The following ZNF718 variants were observed in gnomAD, a reference collection of about 807,000 sequenced individuals.
The protein encoded by ZNF718 is zinc finger protein 718.
A neutral mutation model predicts 2.6 loss-of-function variants in ZNF718; 3 were observed. The ratio of observed to expected loss-of-function variants is 1.16; its 90% CI spans 0.53 to 3.01. ZNF718 has a LOEUF of 3.01. Ranked by LOEUF, ZNF718 falls within the 30% of genes most tolerant of loss-of-function variation. The pLI is 0.03. For synonymous variants in ZNF718, 135 were observed against 77.9 expected (o/e 1.73, Z -3.86); for missense variants, 468 against 230.0 (o/e 2.03, Z -6.69).
chr4:153,867 GGACAA>G (rs1716448336), intron 3 of ZNF718, among the ~76,000 whole-genome samples: 2 of 152,040 alleles, frequency 1.3e-5, no homozygotes, highest in Admixed American at 6.5e-5. Context: ...TTGAAATTTG[GGACAA>G]GACAAGGATG....
chr4:174,838 A>T (rs1278679341), intron 3 of ZNF718, among the ~76,000 whole-genome samples: 5 of 152,160 alleles, frequency 3.3e-5, no homozygotes, highest in Non-Finnish European at 7.3e-5. Flanking sequence ...TATTTTACAC[A>T]CTACCCAGTT....
rs554379350 is a variant in ZNF718 at position 181,934 on chromosome 4, C to T, written c.227-19147C>T. On this transcript the variant is annotated intron_variant and NMD_transcript_variant, in intron 3 of 4. Transcript: ENST00000642529. ...TGCAGTATTTGGTTTTCAGTTCCTGCGTTAATTTGCTAAAAATAATGGCTT... is the reference window on the plus strand; with the variant it reads ...TGCAGTATTTGGTTTTCAGTTCCTGTGTTAATTTGCTAAAAATAATGGCTT... 3.9e-5 allele frequency among the ~76,000 whole-genome samples: 6 copies of T among 152,220 alleles called. No homozygotes were observed. In the South Asian group the frequency reaches 8.3e-4, roughly 21 times the overall value.
intron 1 of ZNF718, among the ~76,000 whole-genome samples, chr4:130,522 C>G (rs1458422580): frequency 9.8e-6 from 1 of 102,246 alleles, no homozygotes. Flanking sequence ...CCGAGGCAGG[C>G]GGATCACGAG....
intron 3 of ZNF718, among the ~76,000 whole-genome samples, chr4:153,514 A>G (rs1227662701): frequency 2.0e-5 from 3 of 152,160 alleles, no homozygotes; most frequent in Admixed American, 1.3e-4. Context: ...TAGTATAGCA[A>G]CTTTCATAAT....
intron 3 of ZNF718, among the ~76,000 whole-genome samples, chr4:199,459 A>G (rs190539095): frequency 6.6e-6 from 1 of 152,170 alleles, no homozygotes; most frequent in East Asian, 1.9e-4. Context: ...GGACACCATG[A>G]CTCTGGTAAA....
rs1715403105 is a variant in ZNF718, at chr4:133,198, ATATATATAT to A, written c.226+1694_226+1702del. Among the ~76,000 whole-genome samples, 20 of 19,280 alleles carry A rather than the reference ATATATATAT, an allele frequency of 1.0e-3. 4 individuals carry two copies. Among genetic ancestry groups the A allele is most frequent in the African/African-American group, 4.2e-3 (16 of 3,838 alleles). 12.6% of individuals were successfully genotyped at this position (19,280 alleles called of 152,430 possible). A position where few individuals can be genotyped will look rare whatever the true frequency, so the allele number is the denominator to read the frequency against. On this transcript the variant is annotated intron_variant, in intron 3 of 3. Coordinates refer to ENST00000510175, the MANE Select transcript of ZNF718 (RefSeq NM_001039127.6). ...ATCTTAAAAAAAAAAAAAAAAAAAT[ATATATATAT>A]ATATATATATATATATATATATGGT... is the stretch of plus-strand genomic sequence containing the variant.
At chr4:145,220 A>G (rs1226745287) in intron 3 of ZNF718, among the ~76,000 whole-genome samples, 1 of 152,146 alleles carries the variant, frequency 6.6e-6, no homozygotes, top group African/African-American at 2.4e-5. Context: ...ATGTTTTTCT[A>G]TTTAGAGGAA....
At position 147,806 on chromosome 4, in the gene ZNF718, C is replaced by T. The variant is rs528198669; in HGVS notation, c.227-13106C>T. Among the ~76,000 whole-genome samples the T allele has an allele frequency of 1.4e-4, 21 of 152,038 alleles. 1 individual carries two copies. Among genetic ancestry groups the T allele is most frequent in the Non-Finnish European group, 2.1e-4 (14 of 67,968 alleles). On this transcript the variant is annotated intron_variant, in intron 3 of 3. Transcript: ENST00000510175. Reference sequence around the variant, plus strand: ...TTGAACCCGGGAGGTGGAGGTTGCACGGAGCTGAGATCACACCACTGCACT... The same window carrying T: ...TTGAACCCGGGAGGTGGAGGTTGCATGGAGCTGAGATCACACCACTGCACT...
At chr4:169,567 A>G (rs1717173199) in intron 3 of ZNF718, among the ~76,000 whole-genome samples, 1 of 152,166 alleles carries the variant, frequency 6.6e-6, no homozygotes, top group South Asian at 2.1e-4. Context: ...TAGGATAGTT[A>G]GTTATTCTTG....
At chr4:183,224 C>T (rs1045837341) in intron 3 of ZNF718, among the ~76,000 whole-genome samples, 1 of 152,168 alleles carries the variant, frequency 6.6e-6, no homozygotes, top group Non-Finnish European at 1.5e-5. Flanking sequence ...ATATGGCTAG[C>T]CAGTTCTCCC....
At chr4:173,972 T>G (rs942227630) in intron 3 of ZNF718, among the ~76,000 whole-genome samples, 6 of 152,196 alleles carry the variant, frequency 3.9e-5, no homozygotes, top group Non-Finnish European at 7.3e-5. Context: ...AAACACAATT[T>G]GTGGGTAATA....
At position 131,118 on chromosome 4, in the gene ZNF718, C is replaced by T. The variant is rs1324082415; in HGVS notation, c.130+204C>T. Among the ~76,000 whole-genome samples, 2 of 103,590 alleles carry T rather than the reference C, an allele frequency of 1.9e-5. 1 individual carries two copies. Among genetic ancestry groups the T allele is most frequent in the Admixed American group, 2.1e-4 (2 of 9,580 alleles). 68.0% of individuals were successfully genotyped at this position (103,590 alleles called of 152,430 possible). A position where few individuals can be genotyped will look rare whatever the true frequency, so the allele number is the denominator to read the frequency against. ...ACCTTCTTTTGAGCTAATTTGTTTCCTTCGCTCTAGGCTAGTGGTAATTCT... is the reference window on the plus strand; with the variant it reads ...ACCTTCTTTTGAGCTAATTTGTTTCTTTCGCTCTAGGCTAGTGGTAATTCT... On this transcript the variant is annotated intron_variant, in intron 2 of 3. Coordinates refer to ENST00000510175, the MANE Select transcript of ZNF718 (RefSeq NM_001039127.6).
chr4:125,819 A>G (rs564319957), intron 1 of ZNF718, among the ~76,000 whole-genome samples: 4 of 152,186 alleles, frequency 2.6e-5, no homozygotes, highest in African/African-American at 9.7e-5. Context: ...ACAGGGTTCT[A>G]CCCTCAGGAA....
chr4:158,255 A>C (rs1292526204), intron 3 of ZNF718, among the ~76,000 whole-genome samples: 4 of 151,980 alleles, frequency 2.6e-5, no homozygotes, highest in Non-Finnish European at 4.4e-5. Context: ...TCCTTCCTTT[A>C]ATCATTAGAT....
At chr4:164,608 G>C (rs572142540), downstream of ZNF718, among the ~76,000 whole-genome samples, 1 of 152,058 alleles carries the variant, frequency 6.6e-6, no homozygotes, top group Non-Finnish European at 1.5e-5. Flanking sequence ...TTATAAGAAT[G>C]ATTTTTATAA....
At chr4:151,171 C>A (rs1031012137) in intron 3 of ZNF718, among the ~76,000 whole-genome samples, 2 of 151,444 alleles carry the variant, frequency 1.3e-5, no homozygotes, top group South Asian at 4.2e-4. Flanking sequence ...GGTGTGATCT[C>A]AGCTCCCTGC....
intron 3 of ZNF718, among the ~76,000 whole-genome samples, chr4:179,297 T>G (rs1335929777): frequency 6.6e-6 from 1 of 152,228 alleles, no homozygotes; most frequent in Non-Finnish European, 1.5e-5. Flanking sequence ...AGCTTTGGAA[T>G]CAGTTTTGAC....
downstream of ZNF718, among the ~76,000 whole-genome samples, chr4:164,691 TTTTG>T (rs150055842): frequency 2.8e-3 from 430 of 152,292 alleles, 5 homozygotes; most frequent in African/African-American, 9.5e-3. Context: ...AGTTAGAATA[TTTTG>T]TTTAATTGGG....
chr4:186,849 T>C (rs1717576533), intron 3 of ZNF718, among the ~76,000 whole-genome samples: 1 of 152,202 alleles, frequency 6.6e-6, no homozygotes, highest in Non-Finnish European at 1.5e-5. Context: ...GGTTACAATG[T>C]GCCCCTTTAG....
Sources: allele counts gnomAD v4.1 joint callset (sites outside exome capture counted in the v4.1 genomes callset), GRCh38; gene constraint gnomAD v4.1.1; transcripts MANE v1.5; gene names NCBI Gene and HGNC (gene_info 2026-07-23, HGNC 2026-07-21).